The following IL1RAPL2 variants were observed in gnomAD, a reference collection of about 807,000 sequenced individuals.
The protein encoded by IL1RAPL2 is interleukin 1 receptor accessory protein like 2.
IL1RAPL2 carries 3 observed loss-of-function variants against 44.1 expected under a neutral mutation model. That is an observed-to-expected ratio of 0.07 (90% CI 0.03 to 0.18). The LOEUF is 0.18. Among genes scored for constraint, IL1RAPL2 ranks in the 10% least tolerant of loss-of-function variants. IL1RAPL2 has a pLI of 1.00. For synonymous variants in IL1RAPL2, 181 were observed against 178.8 expected, an observed-to-expected ratio of 1.01 and a Z score of -0.10; for missense variants, 391 against 496.4, an observed-to-expected ratio of 0.79 and a Z score of 2.02.
At chrX:105,381,241 G>T (rs1322973385) in intron 5 of IL1RAPL2, among the ~76,000 whole-genome samples, 2 of 111,377 alleles carry the variant, frequency 1.8e-5, no homozygotes, top group Non-Finnish European at 3.8e-5. Context: ...ATTAAATTTG[G>T]AAGTTGATGT....
intron 5 of IL1RAPL2, among the ~76,000 whole-genome samples, chrX:105,337,889 T>TCA (rs748127601): frequency 0.055 from 5,787 of 104,674 alleles, 375 homozygotes; most frequent in African/African-American, 0.17. Flanking sequence ...AGACTCCATC[T>TCA]CACACACACA....
chrX:105,186,703 G>A (rs1569399781), intron 2 of IL1RAPL2, among the ~76,000 whole-genome samples: 1 of 111,499 alleles, frequency 9.0e-6, no homozygotes, highest in Non-Finnish European at 1.9e-5. Context: ...TTAGATGCTA[G>A]CTAACCCAAT....
chrX:105,349,212 A>T (rs929490466), intron 5 of IL1RAPL2, among the ~76,000 whole-genome samples: 1 of 111,979 alleles, frequency 8.9e-6, no homozygotes, highest in Non-Finnish European at 1.9e-5. Context: ...TGTCCACAGC[A>T]CTGTGGTTTG....
At chrX:104,761,904 TCC>T in intron 2 of IL1RAPL2, among the ~76,000 whole-genome samples, 1 of 53,123 alleles carries the variant, frequency 1.9e-5, no homozygotes, top group African/African-American at 1.3e-4. Flanking sequence ...CTTCTCCTTC[TCC>T]TTCTCCTTCT....
chrX:104,910,202 A>G (rs943484052), intron 2 of IL1RAPL2, among the ~76,000 whole-genome samples: 3 of 111,971 alleles, frequency 2.7e-5, no homozygotes, highest in Non-Finnish European at 5.6e-5. Context: ...ATGCCTCGCC[A>G]TGCTTCGGCT....
chrX:104,673,577 G>A (rs1219484292), intron 2 of IL1RAPL2, among the ~76,000 whole-genome samples: 2 of 111,134 alleles, frequency 1.8e-5, no homozygotes, highest in African/African-American at 6.6e-5. Flanking sequence ...ATTTGGCGAT[G>A]TGGGCTCTTT....
At chrX:104,745,577 A>T (rs1932160908) in intron 2 of IL1RAPL2, among the ~76,000 whole-genome samples, 2 of 112,509 alleles carry the variant, frequency 1.8e-5, no homozygotes, top group South Asian at 7.1e-4. Flanking sequence ...TTGAAGTTTA[A>T]TCAGGTACAA....
At chrX:105,583,216 C>A (rs1202502587) in intron 6 of IL1RAPL2, among the ~76,000 whole-genome samples, 1 of 104,358 alleles carries the variant, frequency 9.6e-6, no homozygotes, top group Non-Finnish European at 2.0e-5. Context: ...CTCTCTGCAA[C>A]CTCCGTCTCC....
intron 6 of IL1RAPL2, among the ~76,000 whole-genome samples, chrX:105,683,032 T>G (rs1194424352): frequency 8.9e-6 from 1 of 112,231 alleles, no homozygotes; most frequent in African/African-American, 3.2e-5. Context: ...AACGTGATTG[T>G]AATGAATGTT....
intron 5 of IL1RAPL2, among the ~76,000 whole-genome samples, chrX:105,379,409 A>G (rs1486693156): frequency 8.9e-6 from 1 of 112,035 alleles, no homozygotes; most frequent in Non-Finnish European, 1.9e-5. Context: ...GAACTAGCCA[A>G]TGAGTGTAGA....
chrX:105,336,715 T>C (rs1188247511), intron 5 of IL1RAPL2, among the ~76,000 whole-genome samples: 1 of 112,165 alleles, frequency 8.9e-6, no homozygotes, highest in Non-Finnish European at 1.9e-5. Context: ...TTCCAGATGC[T>C]CTGCTGGCAA....
At chrX:105,570,348 T>C in intron 6 of IL1RAPL2, among the ~76,000 whole-genome samples, 1 of 112,442 alleles carries the variant, frequency 8.9e-6, no homozygotes, top group East Asian at 2.8e-4. Context: ...CACTCGTTGG[T>C]TAATAGGCAC....
intron 2 of IL1RAPL2, among the ~76,000 whole-genome samples, chrX:105,125,729 A>C (rs1319625940): frequency 9.0e-6 from 1 of 110,614 alleles, no homozygotes; most frequent in East Asian, 2.8e-4. Context: ...CATATCAAAA[A>C]TACAGTATTC....
intron 5 of IL1RAPL2, among the ~76,000 whole-genome samples, chrX:105,466,917 C>G: frequency 9.0e-6 from 1 of 111,671 alleles, no homozygotes; most frequent in Non-Finnish European, 1.9e-5. Context: ...GACTAGGGAG[C>G]TCACAAAAGA....
chrX:105,190,947 G>A (rs1352990100), intron 2 of IL1RAPL2, among the ~76,000 whole-genome samples: 1 of 111,677 alleles, frequency 9.0e-6, no homozygotes, highest in African/African-American at 3.3e-5. Context: ...AGTTTGCTTG[G>A]GACACCCAGG....
chrX:105,012,639 TCTCTCTCACA>T (rs1416191047), intron 2 of IL1RAPL2, among the ~76,000 whole-genome samples: 1 of 63,559 alleles, frequency 1.6e-5, no homozygotes, highest in African/African-American at 6.9e-5. Context: ...TCTCTCTCTC[TCTCTCTCACA>T]CACACACACA....
chrX:104,624,451 T>C (rs1929459842), intron 1 of IL1RAPL2, among the ~76,000 whole-genome samples: 2 of 111,624 alleles, frequency 1.8e-5, no homozygotes, highest in South Asian at 7.5e-4. Flanking sequence ...TCAATAAATA[T>C]ATGAAAAGAT....
chrX:105,765,535 T>C (rs1199287541), intron 10 of IL1RAPL2, among the ~76,000 whole-genome samples: 1 of 112,467 alleles, frequency 8.9e-6, no homozygotes, highest in African/African-American at 3.2e-5. Flanking sequence ...GATACAGTCA[T>C]TGTAACTACT....
At chrX:105,504,449 C>A in intron 6 of IL1RAPL2, among the ~76,000 whole-genome samples, 1 of 111,470 alleles carries the variant, frequency 9.0e-6, no homozygotes, top group Non-Finnish European at 1.9e-5. Context: ...ATTTACTCAT[C>A]ATCTGGACAA....
Sources: allele counts gnomAD v4.1 joint callset (sites outside exome capture counted in the v4.1 genomes callset), GRCh38; gene constraint gnomAD v4.1.1; transcripts MANE v1.5; gene names NCBI Gene and HGNC (gene_info 2026-07-23, HGNC 2026-07-21).